The following RXRA variants were observed in gnomAD, a reference collection of about 807,000 sequenced individuals.
The protein encoded by RXRA is retinoic acid receptor RXR-alpha.
RXRA carries 5 observed loss-of-function variants against 44.5 expected under a neutral mutation model. The ratio of observed to expected loss-of-function variants is 0.11; its 90% confidence interval spans 0.06 to 0.24. The LOEUF (loss-of-function observed/expected upper bound fraction) is 0.24, where lower values mean the gene tolerates loss of function less well. Ranked by LOEUF, RXRA falls within the 10% of genes least tolerant of loss-of-function variation. The pLI, the probability that RXRA is intolerant of heterozygous loss-of-function variation, is 1.00. For synonymous variants in RXRA, 291 were observed against 271.4 expected (o/e 1.07, Z -0.71); for missense variants, 412 against 646.5 (o/e 0.64, Z 3.93).
chr9:134,409,493 C>T lies in RXRA; in HGVS notation c.610+374C>T, dbSNP rs146973946. 3.3e-5 allele frequency among the ~76,000 whole-genome samples: 5 copies of T among 152,352 alleles called. No homozygotes were observed. In the East Asian group the frequency reaches 7.7e-4, roughly 24 times the overall value. ...CCAACTCTGTGGCACCCCGCAGGGCCGCCGGATGGCCCCCAGGCTCTTGGA... is the reference window on the plus strand; with the variant it reads ...CCAACTCTGTGGCACCCCGCAGGGCTGCCGGATGGCCCCCAGGCTCTTGGA... On this transcript the variant is annotated intron_variant, in intron 4 of 9. Transcript: ENST00000481739.
chr9:134,421,598 A>G, intron 5 of RXRA, 78 bp from the exon 6 acceptor site: 1 of 1,452,492 alleles, frequency 6.9e-7, no homozygotes, highest in Non-Finnish European at 9.2e-7. Context: ...AGCGTGTGGC[A>G]GGGCCTGGTC....
rs186232322 is a variant in RXRA, at chr9:134,429,698, C to T, written c.1043+458C>T. Among the ~76,000 whole-genome samples the T allele has an allele frequency of 5.8e-4, 89 of 152,270 alleles. No individual in the cohort carries two copies. The Middle Eastern group carries it at 0.027, about 47-fold the overall frequency. ...GTCGGGACCGCAGTGCTTCACACCT[C>T]CCAGTGGAGCAAAGGGCTGCACCTC... is the stretch of plus-strand genomic sequence containing the variant. On this transcript the variant is annotated intron_variant, in intron 7 of 9. Transcript: ENST00000481739.
intron 1 of RXRA, among the ~76,000 whole-genome samples, chr9:134,395,724 A>G (rs73556215): frequency 0.13 from 20,318 of 152,274 alleles, 4,445 homozygotes; most frequent in African/African-American, 0.46. Flanking sequence ...AGGGAGCTCC[A>G]TCATCCGACC....
intron 8 of RXRA, among the ~76,000 whole-genome samples, chr9:134,432,525 G>A (rs1468344519): frequency 1.3e-5 from 2 of 152,228 alleles, no homozygotes; most frequent in African/African-American, 2.4e-5. Flanking sequence ...CCTCCTGGCC[G>A]ACAGTGCGGC....
chr9:134,408,352 G>T (rs1196421502), intron 3 of RXRA, 53 bp downstream of exon 3: 1 of 1,547,216 alleles, frequency 6.5e-7, no homozygotes, highest in East Asian at 2.3e-5. Context: ...TCAGGCCATT[G>T]CAGGGTCTGG....
intron 2 of RXRA, chr9:134,402,853 T>C (rs1445639177): frequency 1.3e-5 from 2 of 151,736 alleles, no homozygotes; most frequent in African/African-American, 4.8e-5. Flanking sequence ...TTTCACCCTG[T>C]GTTCCTAGTA....
intron 1 of RXRA, among the ~76,000 whole-genome samples, chr9:134,350,524 T>C (rs1359911858): frequency 6.6e-6 from 1 of 152,170 alleles, no homozygotes; most frequent in Non-Finnish European, 1.5e-5. Context: ...TTCCGGCTAG[T>C]GTCTTCCTTC....
At chr9:134,416,930 G>A (rs1389623350) in intron 4 of RXRA, among the ~76,000 whole-genome samples, 1 of 152,202 alleles carries the variant, frequency 6.6e-6, no homozygotes, top group Non-Finnish European at 1.5e-5. Flanking sequence ...GGCTCCTGGT[G>A]TGAACATTGA....
Position 134,408,313 on chromosome 9 carries a change from G to A in RXRA, c.430+14G>A. On this transcript the variant is annotated intron_variant, in intron 3 of 9. Transcript: ENST00000481739. ...ACCGCTCCTCAGGTACCGCTGCTGTGGGGGCCAGGGGCTGGTGGGACAGGG... is the reference window on the plus strand; with the variant it reads ...ACCGCTCCTCAGGTACCGCTGCTGTAGGGGCCAGGGGCTGGTGGGACAGGG... 1 of 1,589,798 alleles carries A rather than the reference G, an allele frequency of 6.3e-7. No individual in the cohort carries two copies. Among genetic ancestry groups the A allele is most frequent in the South Asian group, 1.1e-5 (1 of 87,902 alleles).
At chr9:134,351,936 C>CGTGCATGTGGCATATGTGT (rs879992999) in intron 1 of RXRA, among the ~76,000 whole-genome samples, 81 of 152,234 alleles carry the variant, frequency 5.3e-4, no homozygotes, top group Admixed American at 9.8e-4. Context: ...TGCACGTGTG[C>CGTGCATGTGGCATATGTGT]GTGCATGTGG....
At chr9:134,429,950 A>G (rs1007089820) in intron 7 of RXRA, among the ~76,000 whole-genome samples, 5 of 151,676 alleles carry the variant, frequency 3.3e-5, no homozygotes, top group Admixed American at 6.6e-5. Context: ...CAGTGGTGCA[A>G]TCTTGGCTCA....
chr9:134,380,945 G>T (rs1417048868), intron 1 of RXRA, among the ~76,000 whole-genome samples: 1 of 152,202 alleles, frequency 6.6e-6, no homozygotes, highest in Admixed American at 6.5e-5. Context: ...GCAGCTGAGG[G>T]TTCAGGGGGT....
chr9:134,379,310 A>G (rs776247973), intron 1 of RXRA: 147 of 986,826 alleles, frequency 1.5e-4, no homozygotes, highest in Non-Finnish European at 1.7e-4. Flanking sequence ...TGCCCTGTGC[A>G]TGGGGTGGGG....
At chr9:134,425,513 G>A (rs1355091710) in intron 6 of RXRA, 1 of 976,788 alleles carries the variant, frequency 1.0e-6, no homozygotes. Flanking sequence ...TGAGGGCCTG[G>A]GTTGCACAGG....
At chr9:134,401,043 C>T (rs1167212290) in intron 1 of RXRA, among the ~76,000 whole-genome samples, 8 of 152,222 alleles carry the variant, frequency 5.3e-5, no homozygotes, top group African/African-American at 9.6e-5. Flanking sequence ...CCTGGCTTGG[C>T]CACAGGTGGC....
At chr9:134,332,584 A>G (rs62576296) in intron 1 of RXRA, among the ~76,000 whole-genome samples, 57,589 of 150,242 alleles carry the variant, frequency 0.38, 12,426 homozygotes, top group African/African-American at 0.59. Flanking sequence ...GGGGGTGAAG[A>G]GGGTGAGGAC....
At position 134,417,780 on chromosome 9, in the gene RXRA, G is replaced by A. The variant is rs933947224; in HGVS notation, c.780+453G>A. The stretch of plus-strand genomic sequence containing the variant: ...CAGGGCTGGCTCTGCCAGCAGCCGT[G>A]TGGCCCTGGGCAGGTGCCCGGCAGT... On this transcript the variant is annotated intron_variant, in intron 5 of 9. Transcript: ENST00000481739. The surrounding 1 kb of genome is among the most constrained non-coding windows in gnomAD (Gnocchi z 6.1). 5.3e-5 allele frequency among the ~76,000 whole-genome samples: 8 copies of A among 152,144 alleles called. No homozygotes were observed. Among genetic ancestry groups the A allele is most frequent in the African/African-American group, 1.9e-4 (8 of 41,436 alleles).
intron 1 of RXRA, among the ~76,000 whole-genome samples, chr9:134,337,382 C>T (rs534634950): frequency 6.6e-6 from 1 of 152,344 alleles, no homozygotes; most frequent in East Asian, 1.9e-4. Context: ...CCCAGTAGAG[C>T]CAGGCTTAGC....
intron 1 of RXRA, among the ~76,000 whole-genome samples, chr9:134,352,603 G>A (rs1830235109): frequency 1.3e-5 from 2 of 152,216 alleles, no homozygotes; most frequent in Admixed American, 6.5e-5. Flanking sequence ...CCTTTGGTGG[G>A]ACTGAAGATG....
Sources: allele counts gnomAD v4.1 joint callset (sites outside exome capture counted in the v4.1 genomes callset), GRCh38; gene constraint gnomAD v4.1.1; non-coding constraint Gnocchi (gnomAD v3.1); transcripts MANE v1.5; gene names NCBI Gene and HGNC (gene_info 2026-07-23, HGNC 2026-07-21).